RRM2: variants seen among roughly 807,000 people sequenced by gnomAD.
The protein encoded by RRM2 is ribonucleotide reductase regulatory subunit M2.
Under a neutral mutation model 45.9 loss-of-function variants are expected in RRM2, and 6 were observed. That is an observed-to-expected ratio of 0.13 (90% CI 0.07 to 0.26). The LOEUF (loss-of-function observed/expected upper bound fraction) is 0.26. RRM2 is among the 10% of genes least tolerant of loss of function. The pLI is 1.00. For missense variants in RRM2, 343 were observed against 489.5 expected, an observed-to-expected ratio of 0.70 and a Z score of 2.82; for synonymous variants, 177 against 173.0, an observed-to-expected ratio of 1.02 and a Z score of -0.18.
rs188103084 is a variant in RRM2 at position 10,179,297 on chromosome 2, A to G, written n.483-31014A>G. 7.0e-3 allele frequency among the ~76,000 whole-genome samples: 1,070 copies of G among 152,122 alleles called. 19 individuals carry two copies. Among genetic ancestry groups the G allele is most frequent in the African/African-American group, 0.025 (1,026 of 41,512 alleles). On this transcript the variant is annotated intron_variant and non_coding_transcript_variant, in intron 3 of 3. Transcript: ENST00000381786. The stretch of plus-strand genomic sequence containing the variant: ...CTCCCAAGTAGCTGGGATTACAGCC[A>G]CATGCCACCACGCCCGGCTAATTTT...
At chr2:10,133,784 C>G (rs1662943094), downstream of RRM2, among the ~76,000 whole-genome samples, 1 of 150,714 alleles carries the variant, frequency 6.6e-6, no homozygotes, top group Admixed American at 6.6e-5. Context: ...TCACCTTAGC[C>G]TTGGCTCTAG....
At chr2:10,133,965 G>T (rs895345348), downstream of RRM2, among the ~76,000 whole-genome samples, 1 of 151,928 alleles carries the variant, frequency 6.6e-6, no homozygotes, top group Non-Finnish European at 1.5e-5. Context: ...GATCACCTGA[G>T]GTCAGGAGTT....
intron 3 of RRM2, among the ~76,000 whole-genome samples, chr2:10,151,762 A>C (rs1343624251): frequency 6.6e-6 from 1 of 152,224 alleles, no homozygotes; most frequent in Admixed American, 6.5e-5. Context: ...TACCCTTGCC[A>C]ACACTTGGCA....
chr2:10,177,835 T>G (rs939360275), intron 3 of RRM2, among the ~76,000 whole-genome samples: 24 of 152,158 alleles, frequency 1.6e-4, no homozygotes, highest in African/African-American at 5.8e-4. Flanking sequence ...TTGACCAGGC[T>G]GGTCTCGAAC....
intron 3 of RRM2, among the ~76,000 whole-genome samples, chr2:10,175,706 TC>T (rs979653181): frequency 3.9e-5 from 6 of 152,050 alleles, no homozygotes; most frequent in Non-Finnish European, 5.9e-5. Flanking sequence ...CAAGTGATTC[TC>T]CCCATCAGCC....
intron 3 of RRM2, among the ~76,000 whole-genome samples, chr2:10,191,382 G>A (rs1664303669): frequency 6.6e-6 from 1 of 152,228 alleles, no homozygotes; most frequent in Admixed American, 6.5e-5. Flanking sequence ...TCACGTCTGT[G>A]AGAGGTCTTA....
At chr2:10,189,898 C>A (rs1351009516) in intron 3 of RRM2, among the ~76,000 whole-genome samples, 2 of 152,242 alleles carry the variant, frequency 1.3e-5, no homozygotes, top group African/African-American at 4.8e-5. Context: ...CTGTTCCCTT[C>A]CCTCGAGAGG....
At chr2:10,173,791 C>T (rs953910154) in intron 3 of RRM2, among the ~76,000 whole-genome samples, 5 of 152,230 alleles carry the variant, frequency 3.3e-5, no homozygotes, top group East Asian at 1.9e-4. Context: ...CTGCGTCTTC[C>T]GGGCAGAAGG....
chr2:10,201,198 A>G (rs1664564702), intron 3 of RRM2, among the ~76,000 whole-genome samples: 1 of 151,968 alleles, frequency 6.6e-6, no homozygotes, highest in Non-Finnish European at 1.5e-5. Flanking sequence ...CTTGTATTGC[A>G]CCTTTGCAAA....
At chr2:10,144,857 G>T (rs964134828) in intron 3 of RRM2, among the ~76,000 whole-genome samples, 2 of 152,162 alleles carry the variant, frequency 1.3e-5, no homozygotes, top group African/African-American at 4.8e-5. Flanking sequence ...GGAAGTCCTA[G>T]CTGCCCACTG....
chr2:10,192,084 C>T lies in RRM2; in HGVS notation n.483-18227C>T, dbSNP rs774178576. Among the ~76,000 whole-genome samples, 12 of 145,928 alleles carry T rather than the reference C, an allele frequency of 8.2e-5. No individual in the cohort carries two copies. The East Asian group carries it at 1.5e-3, about 18-fold the overall frequency. ...ATGCAAGCTCAGAGGCCAGGGTGGGCGGGGGCTGGAGCTGCTCTGTGACAG... is the reference window on the plus strand; with the variant it reads ...ATGCAAGCTCAGAGGCCAGGGTGGGTGGGGGCTGGAGCTGCTCTGTGACAG... On this transcript the variant is annotated intron_variant and non_coding_transcript_variant, in intron 3 of 3. Coordinates refer to the RRM2 transcript ENST00000381786.
At position 10,129,699 on chromosome 2, in the gene RRM2, C is replaced by T; in HGVS notation, c.*313C>T. The T allele has an allele frequency of 3.7e-6, 1 of 270,470 alleles. No homozygotes were observed. Among genetic ancestry groups the T allele is most frequent in the Non-Finnish European group, 6.9e-6 (1 of 144,446 alleles). 16.8% of individuals were successfully genotyped at this position (270,470 alleles called of 1,614,324 possible). A position where few individuals can be genotyped will look rare whatever the true frequency, so the allele number is the denominator to read the frequency against. ...TAAACAGTCCTTTAACCAGCACAGC[C>T]AGTTAAAAGATGCAGCCTCACTGCT... On this transcript the variant is annotated 3_prime_UTR_variant, in exon 10 of 10. Coordinates refer to ENST00000304567, the MANE Select transcript of RRM2 (RefSeq NM_001034.4). The surrounding 1 kb of genome is among the most constrained non-coding windows in gnomAD (Gnocchi z 4.8).
At position 10,127,513 on chromosome 2, in the gene RRM2, G is replaced by A. The variant is rs192758317; in HGVS notation, c.798+293G>A. ...TGAGGTGACGGAATCTTGCTCTGTC[G>A]TTCCAGGCTGGAGTGCAATGGCGTG... On this transcript the variant is annotated intron_variant, in intron 7 of 9. Coordinates refer to ENST00000304567, the MANE Select transcript of RRM2 (RefSeq NM_001034.4). The surrounding 1 kb of genome is among the most constrained non-coding windows in gnomAD (Gnocchi z 4.1). Among the ~76,000 whole-genome samples the A allele has an allele frequency of 4.6e-5, 7 of 152,218 alleles. No homozygotes were observed. Among genetic ancestry groups the A allele is most frequent in the East Asian group, 1.9e-4 (1 of 5,176 alleles).
chr2:10,141,041 C>T (rs746876131), upstream of RRM2, among the ~76,000 whole-genome samples: 49 of 152,196 alleles, frequency 3.2e-4, no homozygotes, highest in Non-Finnish European at 5.6e-4. Flanking sequence ...TCGCCCACGT[C>T]GCTGTCATGT....
Position 10,127,894 on chromosome 2 carries a change from C to T in RRM2, c.798+674C>T, listed in dbSNP as rs555962514. The stretch of plus-strand genomic sequence containing the variant: ...AAAATGTTCATAGTAGAGCCAGGAG[C>T]GGTGGCTCATGCCTGTAATCCCAGC... On this transcript the variant is annotated intron_variant, in intron 7 of 9. Coordinates refer to ENST00000304567, the MANE Select transcript of RRM2 (RefSeq NM_001034.4). The surrounding 1 kb of genome is among the most constrained non-coding windows in gnomAD (Gnocchi z 4.1). Among the ~76,000 whole-genome samples the T allele has an allele frequency of 5.3e-5, 8 of 151,820 alleles. No homozygotes were observed. In the East Asian group the frequency reaches 1.2e-3, roughly 22 times the overall value.
chr2:10,133,375 G>T (rs181273563), downstream of RRM2, among the ~76,000 whole-genome samples: 99 of 152,354 alleles, frequency 6.5e-4, no homozygotes, highest in Middle Eastern at 3.4e-3. Flanking sequence ...GTACTGCTGT[G>T]GCCTCTGACC....
At chr2:10,191,254 G>A (rs1354000783) in intron 3 of RRM2, among the ~76,000 whole-genome samples, 3 of 152,214 alleles carry the variant, frequency 2.0e-5, no homozygotes, top group Admixed American at 2.0e-4. Context: ...GAGACTCTTG[G>A]GGCAGCGTGG....
chr2:10,136,023 A>G (rs370058437), downstream of RRM2, among the ~76,000 whole-genome samples: 14 of 152,142 alleles, frequency 9.2e-5, 1 homozygote, highest in Admixed American at 5.9e-4. Context: ...TTTTATGCCA[A>G]TTGCAGAGAA....
chr2:10,153,054 G>A (rs935837184), intron 3 of RRM2, among the ~76,000 whole-genome samples: 1 of 152,088 alleles, frequency 6.6e-6, no homozygotes, highest in Admixed American at 6.5e-5. Flanking sequence ...TCAAAGGGCC[G>A]GGTGTGGTGG....
Sources: gnomAD v4.1 joint callset for allele counts (sites outside exome capture counted in the v4.1 genomes callset) on GRCh38, gnomAD v4.1.1 for gene constraint, Gnocchi (gnomAD v3.1) non-coding constraint, MANE v1.5 for transcripts, NCBI Gene and HGNC (gene_info 2026-07-23, HGNC 2026-07-21) for gene names.